GGNBP2: variants seen among roughly 807,000 people sequenced by gnomAD.
The protein encoded by GGNBP2 is gametogenetin binding protein 2.
GGNBP2 carries 10 observed loss-of-function variants against 85.9 expected under a neutral mutation model. The ratio of observed to expected loss-of-function variants is 0.12; its 90% CI spans 0.07 to 0.20. The LOEUF is 0.20. GGNBP2 is among the 10% of genes least tolerant of loss of function. GGNBP2 has a pLI of 1.00. For synonymous variants in GGNBP2, 287 were observed against 285.7 expected (o/e 1.00, Z -0.05); for missense variants, 595 against 857.8 (o/e 0.69, Z 3.83).
chr17:36,549,803 G>A, intron 2 of GGNBP2, among the ~76,000 whole-genome samples: 1 of 152,168 alleles, frequency 6.6e-6, no homozygotes. Flanking sequence ...TGAATAAACT[G>A]TAAGAACATA....
chr17:36,583,892 G>A (rs1252129701), intron 9 of GGNBP2, among the ~76,000 whole-genome samples: 1 of 152,208 alleles, frequency 6.6e-6, no homozygotes, highest in Non-Finnish European at 1.5e-5. Context: ...TGACCTTTTT[G>A]TACTCTGTTA....
intron 6 of GGNBP2, among the ~76,000 whole-genome samples, chr17:36,568,681 G>GT (rs2074492462): frequency 6.6e-6 from 1 of 151,922 alleles, no homozygotes; most frequent in Admixed American, 6.6e-5. Context: ...CCAAAAGAGA[G>GT]TTGATATTCA....
At chr17:36,578,271 C>T (rs2074611428) in intron 7 of GGNBP2, 85 bp downstream of exon 7, 1 of 1,004,392 alleles carries the variant, frequency 1.0e-6, no homozygotes, top group Non-Finnish European at 1.5e-6. Context: ...CACCTTCTGC[C>T]TCAGTACATA....
chr17:36,554,962 A>G, intron 3 of GGNBP2, 62 bp downstream of exon 3: 1 of 985,730 alleles, frequency 1.0e-6, no homozygotes, highest in Non-Finnish European at 1.6e-6. Context: ...CTCATTTAAA[A>G]TTTAGCTGTA....
At chr17:36,585,498 C>A in intron 10 of GGNBP2, 48 bp downstream of exon 10, 2 of 1,316,140 alleles carry the variant, frequency 1.5e-6, no homozygotes, top group Non-Finnish European at 2.1e-6. Context: ...TCTATTCTTT[C>A]TTACTGTTAA....
chr17:36,548,866 C>T (rs1379187672), intron 2 of GGNBP2, among the ~76,000 whole-genome samples: 2 of 150,882 alleles, frequency 1.3e-5, no homozygotes, highest in Admixed American at 6.6e-5. Flanking sequence ...ATTGATTGAA[C>T]CCCCAGAGGC....
intron 2 of GGNBP2, among the ~76,000 whole-genome samples, chr17:36,552,973 G>A (rs1397994763): frequency 7.4e-6 from 1 of 135,050 alleles, no homozygotes; most frequent in African/African-American, 2.7e-5. Flanking sequence ...AGTGAGCCGA[G>A]ATTGTGCCAC....
intron 2 of GGNBP2, among the ~76,000 whole-genome samples, chr17:36,549,806 A>T (rs2074291474): frequency 6.6e-6 from 1 of 152,220 alleles, no homozygotes; most frequent in South Asian, 2.1e-4. Context: ...ATAAACTGTA[A>T]GAACATAAAT....
chr17:36,564,653 A>G (rs2074451336), intron 5 of GGNBP2, among the ~76,000 whole-genome samples: 1 of 152,198 alleles, frequency 6.6e-6, no homozygotes, highest in Admixed American at 6.5e-5. Flanking sequence ...CAGGCTAAGC[A>G]GTACAGTATG....
chr17:36,571,472 C>CT (rs1156400387), intron 6 of GGNBP2, among the ~76,000 whole-genome samples: 1 of 152,004 alleles, frequency 6.6e-6, no homozygotes, highest in Non-Finnish European at 1.5e-5. Flanking sequence ...ATCACTTAAC[C>CT]TGAGAGGTGG....
At position 36,581,524 on chromosome 17, in the gene GGNBP2, G is replaced by T. The variant is rs761116993; in HGVS notation, c.1201G>T (p.Val401Leu). The change falls in exon 9 of 14, where the codon GTA (valine) becomes TTA (leucine). Residue 401 changes from valine to leucine, a missense_variant. Coordinates refer to ENST00000613102, the MANE Select transcript of GGNBP2 (RefSeq NM_024835.5). Reference protein sequence around the residue: ...TPLQTADEKEVSQEKETDFIE... With the variant: ...TPLQTADEKELSQEKETDFIE... ...CTTACAAACAGCAGATGAAAAGGAA[G>T]TAAGCCAAGAGAAGGTAATATTTCT... is the stretch of plus-strand genomic sequence containing the variant. 3.1e-6 allele frequency: 5 copies of T among 1,606,676 alleles called. No individual in the cohort carries two copies. The highest frequency in any genetic ancestry group is 2.7e-5 in the African/African-American group (2 of 74,448).
In GGNBP2 at chr17:36,575,613, CATATATATATAT is replaced by C. The variant is rs776677029; in HGVS notation, c.642-2345_642-2334del. Among the ~76,000 whole-genome samples, 404 of 66,924 alleles carry C rather than the reference CATATATATATAT, an allele frequency of 6.0e-3. 13 individuals carry two copies. The highest frequency in any genetic ancestry group is 0.014 in the South Asian group (25 of 1,730). 43.9% of individuals were successfully genotyped at this position (66,924 alleles called of 152,430 possible). A position where few individuals can be genotyped will look rare whatever the true frequency, so the allele number is the denominator to read the frequency against. Reference sequence around the variant, plus strand: ...AGTGGGCTTAGAGCCTCTAATGTAACATATATATATATATATATATATATATATATATATATT... The same window carrying C: ...AGTGGGCTTAGAGCCTCTAATGTAACATATATATATATATATATATATATT... On this transcript the variant is annotated intron_variant, in intron 6 of 13. Transcript: ENST00000613102.
In GGNBP2 at chr17:36,557,329, G is replaced by A. The variant is rs201797639; in HGVS notation, c.421G>A (p.Val141Ile). Residue 141 changes from valine to isoleucine, a missense_variant, in exon 4 of 14, where the codon GTA (valine) becomes ATA (isoleucine). Val to Ile is a conservative substitution (Grantham distance 29). Around this residue, in one of 9 missense-constraint regions of GGNBP2, gnomAD observed 216 missense variants for 293.4 expected, o/e 0.74. Transcript: ENST00000613102. ...AAAGAAGCTTTATACATTATTTTATGTACATGGGTAAGTATAATCAATTAG... is the reference window on the plus strand; with the variant it reads ...AAAGAAGCTTTATACATTATTTTATATACATGGGTAAGTATAATCAATTAG... ...DAKKLYTLFY[V>I]HGSKLNDMID... is the part of the protein sequence containing the mutation. The A allele has an allele frequency of 6.2e-5, 100 of 1,613,038 alleles. 1 individual carries two copies. The highest frequency in any genetic ancestry group is 5.9e-4 in the African/African-American group (44 of 74,870).
At chr17:36,581,565 AG>A in intron 9 of GGNBP2, 27 bp downstream of exon 9, 1 of 1,530,656 alleles carries the variant, frequency 6.5e-7, no homozygotes, top group Middle Eastern at 1.7e-4. Context: ...TCAACTCTTA[AG>A]TGTGTATGTA....
intron 5 of GGNBP2, among the ~76,000 whole-genome samples, chr17:36,563,134 C>T (rs2074436024): frequency 6.6e-6 from 1 of 151,760 alleles, no homozygotes; most frequent in South Asian, 2.1e-4. Context: ...GGCGTGGTGG[C>T]AGGTGCTTGT....
At chr17:36,578,344 C>T in intron 7 of GGNBP2, 158 bp downstream of exon 7, 1 of 558,384 alleles carries the variant, frequency 1.8e-6, no homozygotes, top group South Asian at 2.9e-5. Flanking sequence ...GTATGCATTT[C>T]TTAATTGACT....
intron 10 of GGNBP2, 34 bp downstream of exon 10, chr17:36,585,484 T>G (rs375587234): frequency 9.5e-5 from 135 of 1,428,040 alleles, no homozygotes; most frequent in Non-Finnish European, 1.3e-4. Context: ...AATGAACTCT[T>G]AACTCTATTC....
chr17:36,546,542 A>T (rs1006992342), intron 2 of GGNBP2: 1 of 151,990 alleles, frequency 6.6e-6, no homozygotes, highest in Admixed American at 6.6e-5. Flanking sequence ...CGGGTACTTT[A>T]TTCTTTAGAT....
intron 4 of GGNBP2, 23 bp from the exon 5 acceptor site, chr17:36,560,750 T>TTATTAAAATGAATTAATAAA: frequency 8.1e-7 from 1 of 1,227,688 alleles, no homozygotes; most frequent in Non-Finnish European, 1.2e-6. Context: ...ATTAAACCCT[T>TTATTAAAATGAATTAATAAA]AATATGTTTT....
Sources: gnomAD v4.1 joint callset for allele counts (sites outside exome capture counted in the v4.1 genomes callset) on GRCh38, gnomAD v4.1.1 for gene constraint, gnomAD v4.1.1 regional missense constraint, MANE v1.5 for transcripts, NCBI Gene and HGNC (gene_info 2026-07-23, HGNC 2026-07-21) for gene names.